The following CNTNAP2 variants were observed in gnomAD, a reference collection of about 807,000 sequenced individuals.
The protein encoded by CNTNAP2 is contactin associated protein 2.
In CNTNAP2, 98 loss-of-function variants were observed where a neutral mutation model predicts 155.2. That is an observed-to-expected ratio of 0.63 (90% confidence interval 0.54 to 0.75). CNTNAP2 has a LOEUF of 0.75. Among genes scored for constraint, CNTNAP2 ranks in the 30% least tolerant of loss-of-function variants. The pLI, the probability that CNTNAP2 is intolerant of heterozygous loss-of-function variation, is 0.00. For synonymous variants in CNTNAP2, 651 were observed against 631.2 expected (o/e 1.03, Z -0.47); for missense variants, 1,727 against 1,688.1 (o/e 1.02, Z -0.40).
At chr7:146,213,535 G>A (rs1799068479) in intron 1 of CNTNAP2, among the ~76,000 whole-genome samples, 1 of 152,086 alleles carries the variant, frequency 6.6e-6, no homozygotes, top group Non-Finnish European at 1.5e-5. Flanking sequence ...TGTATGTTGG[G>A]CAACTCAAGA....
At chr7:147,215,150 A>G (rs1043338979) in intron 8 of CNTNAP2, among the ~76,000 whole-genome samples, 1 of 152,196 alleles carries the variant, frequency 6.6e-6, no homozygotes, top group Non-Finnish European at 1.5e-5. Flanking sequence ...AGCAAATTAT[A>G]TCAATGAAGT....
chr7:147,920,227 A>G (rs1800247774), intron 14 of CNTNAP2, among the ~76,000 whole-genome samples: 1 of 151,834 alleles, frequency 6.6e-6, no homozygotes. Flanking sequence ...GTGGTGGCAC[A>G]TGCCTGTAAT....
intron 1 of CNTNAP2, among the ~76,000 whole-genome samples, chr7:146,681,711 G>A (rs1800508227): frequency 6.6e-6 from 1 of 152,178 alleles, no homozygotes; most frequent in East Asian, 1.9e-4. Flanking sequence ...GATATAATCT[G>A]TACAACAAAC....
At chr7:148,346,094 A>T (rs1798322232) in intron 21 of CNTNAP2, among the ~76,000 whole-genome samples, 1 of 152,054 alleles carries the variant, frequency 6.6e-6, no homozygotes, top group African/African-American at 2.4e-5. Context: ...TGCGTTGTGA[A>T]TTTATAGATG....
intron 13 of CNTNAP2, among the ~76,000 whole-genome samples, chr7:147,727,240 G>A (rs1203303294): frequency 2.6e-5 from 4 of 151,890 alleles, no homozygotes; most frequent in African/African-American, 7.3e-5. Flanking sequence ...CAGTACACTG[G>A]GCACTTAGTA....
intron 8 of CNTNAP2, among the ~76,000 whole-genome samples, chr7:147,135,872 A>AT (rs1408240259): frequency 1.3e-5 from 2 of 150,818 alleles, no homozygotes; most frequent in Non-Finnish European, 3.0e-5. Context: ...TCTTTTTCTT[A>AT]TTTGAAGTGT....
intron 10 of CNTNAP2, among the ~76,000 whole-genome samples, chr7:147,406,398 G>T (rs560164911): frequency 6.6e-6 from 1 of 152,166 alleles, no homozygotes; most frequent in South Asian, 2.1e-4. Context: ...AAAAGAAGAG[G>T]AGTCATAGAT....
At chr7:147,368,632 C>A (rs766569947) in intron 9 of CNTNAP2, among the ~76,000 whole-genome samples, 25 of 152,088 alleles carry the variant, frequency 1.6e-4, no homozygotes, top group African/African-American at 7.2e-5. Context: ...GCTACTGCAA[C>A]CTTTGGGCAA....
intron 1 of CNTNAP2, among the ~76,000 whole-genome samples, chr7:146,612,538 G>A (rs1259583058): frequency 6.6e-6 from 1 of 152,058 alleles, no homozygotes; most frequent in Non-Finnish European, 1.5e-5. Context: ...ATTCTTGTTG[G>A]CAGACCTTAT....
chr7:148,106,094 G>T (rs756656677), intron 15 of CNTNAP2, among the ~76,000 whole-genome samples: 3 of 152,158 alleles, frequency 2.0e-5, no homozygotes, highest in Non-Finnish European at 4.4e-5. Flanking sequence ...GGGATTGACT[G>T]GATGCTAAGG....
intron 16 of CNTNAP2, among the ~76,000 whole-genome samples, chr7:148,131,433 A>T (rs751225213): frequency 1.3e-5 from 2 of 152,148 alleles, no homozygotes; most frequent in Admixed American, 1.3e-4. Flanking sequence ...GTGGTAGTTC[A>T]TGAAACCTTT....
intron 21 of CNTNAP2, among the ~76,000 whole-genome samples, chr7:148,374,031 G>C (rs949907963): frequency 6.6e-6 from 1 of 152,192 alleles, no homozygotes; most frequent in Non-Finnish European, 1.5e-5. Flanking sequence ...GACATGGAGC[G>C]TCAGTTAAGG....
intron 15 of CNTNAP2, among the ~76,000 whole-genome samples, chr7:148,046,458 T>C (rs1203558430): frequency 6.6e-6 from 1 of 152,184 alleles, no homozygotes; most frequent in Non-Finnish European, 1.5e-5. Context: ...GGGTGTAATT[T>C]TTTATACTAT....
intron 1 of CNTNAP2, among the ~76,000 whole-genome samples, chr7:146,751,985 A>G (rs1376309037): frequency 1.3e-5 from 2 of 152,050 alleles, no homozygotes; most frequent in African/African-American, 4.8e-5. Context: ...ATAATATTCC[A>G]TGGTGTATAT....
At chr7:147,559,123 A>C (rs2116781325) in intron 11 of CNTNAP2, among the ~76,000 whole-genome samples, 1 of 152,196 alleles carries the variant, frequency 6.6e-6, no homozygotes, top group South Asian at 2.1e-4. Flanking sequence ...CATTCCTCCC[A>C]CCTAAGTCTC....
intron 1 of CNTNAP2, among the ~76,000 whole-genome samples, chr7:146,599,871 T>C (rs535486205): frequency 6.6e-6 from 1 of 152,198 alleles, no homozygotes; most frequent in East Asian, 1.9e-4. Flanking sequence ...ACTTAAGAAA[T>C]TAATTATGTA....
intron 1 of CNTNAP2, among the ~76,000 whole-genome samples, chr7:146,435,543 C>T (rs538003474): frequency 4.5e-4 from 68 of 152,236 alleles, no homozygotes; most frequent in African/African-American, 1.6e-3. Flanking sequence ...CAGCTGTAAA[C>T]ATCTCTAGTA....
intron 1 of CNTNAP2, among the ~76,000 whole-genome samples, chr7:146,149,164 A>G (rs1366367365): frequency 6.6e-6 from 1 of 152,124 alleles, no homozygotes; most frequent in African/African-American, 2.4e-5. Context: ...CATGTACCCT[A>G]GATCTTAAAG....
chr7:147,004,741 A>T (rs1044600019), intron 3 of CNTNAP2, among the ~76,000 whole-genome samples: 2 of 152,018 alleles, frequency 1.3e-5, no homozygotes, highest in Non-Finnish European at 2.9e-5. Context: ...AATTACTGCA[A>T]CTCACACTTT....
Sources: gnomAD v4.1 joint callset for allele counts (sites outside exome capture counted in the v4.1 genomes callset) on GRCh38, gnomAD v4.1.1 for gene constraint, MANE v1.5 for transcripts, NCBI Gene and HGNC (gene_info 2026-07-23, HGNC 2026-07-21) for gene names.